The following CSMD1 variants were observed in gnomAD, a reference collection of about 807,000 sequenced individuals.
The protein encoded by CSMD1 is CUB and sushi domain-containing protein 1.
A neutral mutation model predicts 417.5 loss-of-function variants in CSMD1; 213 were observed. The observed-to-expected ratio is 0.51, with a 90% CI of 0.46 to 0.57. The LOEUF is 0.57. Among genes scored for constraint, CSMD1 ranks in the 20% least tolerant of loss-of-function variants. The probability of loss-of-function intolerance (pLI) is 0.00; values close to 1 mark genes in which losing one functional copy is unlikely to be tolerated. For synonymous variants in CSMD1, 2,862 were observed against 1,736.8 expected (o/e 1.65, Z -16.11); for missense variants, 6,923 against 4,529.7 (o/e 1.53, Z -15.17).
intron 10 of CSMD1, among the ~76,000 whole-genome samples, chr8:3,550,972 A>G (rs1175806613): frequency 6.6e-6 from 1 of 151,028 alleles, no homozygotes; most frequent in Non-Finnish European, 1.5e-5. Context: ...CTCAACTTGA[A>G]GTGAACAGTC....
chr8:3,758,282 T>C (rs193074363), intron 5 of CSMD1, among the ~76,000 whole-genome samples: 3 of 152,278 alleles, frequency 2.0e-5, no homozygotes, highest in South Asian at 2.1e-4. Context: ...ATTCCTTTTA[T>C]AGAGAAGCAA....
At chr8:4,688,818 G>A (rs967912748) in intron 1 of CSMD1, among the ~76,000 whole-genome samples, 14 of 152,142 alleles carry the variant, frequency 9.2e-5, no homozygotes, top group Non-Finnish European at 1.8e-4. Flanking sequence ...TGTAAACATC[G>A]CAAGTGGTCT....
At chr8:4,436,275 C>T (rs368324403) in intron 2 of CSMD1, among the ~76,000 whole-genome samples, 1 of 152,064 alleles carries the variant, frequency 6.6e-6, no homozygotes, top group Non-Finnish European at 1.5e-5. Context: ...TAATACCCAC[C>T]TTGTATTGTG....
intron 2 of CSMD1, among the ~76,000 whole-genome samples, chr8:4,622,262 G>A (rs1188432341): frequency 1.3e-5 from 2 of 152,044 alleles, no homozygotes; most frequent in African/African-American, 4.8e-5. Context: ...GGCAAAAGAG[G>A]ATACTTGCCT....
At chr8:3,585,806 C>G (rs116482614) in intron 9 of CSMD1, among the ~76,000 whole-genome samples, 3,399 of 152,210 alleles carry the variant, frequency 0.022, 140 homozygotes, top group African/African-American at 0.076. Flanking sequence ...TGCACAGAAA[C>G]CTTTCCGGCA....
intron 1 of CSMD1, among the ~76,000 whole-genome samples, chr8:4,671,519 C>A (rs963546171): frequency 6.6e-6 from 1 of 152,190 alleles, no homozygotes; most frequent in East Asian, 1.9e-4. Context: ...CAAAGTGTGA[C>A]TGGCCAGCTT....
intron 10 of CSMD1, among the ~76,000 whole-genome samples, chr8:3,524,122 CACAT>C (rs149360982): frequency 0.02 from 3,015 of 151,144 alleles, 69 homozygotes; most frequent in South Asian, 0.07. Flanking sequence ...GACATATGTG[CACAT>C]ACATACACAC....
At chr8:4,503,493 T>C (rs912720702) in intron 2 of CSMD1, among the ~76,000 whole-genome samples, 12 of 152,180 alleles carry the variant, frequency 7.9e-5, no homozygotes, top group Non-Finnish European at 7.3e-5. Flanking sequence ...ATTATTATAT[T>C]CTTAGAAAAT....
intron 2 of CSMD1, among the ~76,000 whole-genome samples, chr8:4,469,273 A>C (rs1011786677): frequency 6.6e-6 from 1 of 152,232 alleles, no homozygotes; most frequent in Non-Finnish European, 1.5e-5. Context: ...CAGCAAAGAC[A>C]CTATGATTGT....
At chr8:3,585,302 T>C (rs1800552917) in intron 9 of CSMD1, among the ~76,000 whole-genome samples, 1 of 152,178 alleles carries the variant, frequency 6.6e-6, no homozygotes, top group Admixed American at 6.5e-5. Context: ...AATGTATAAG[T>C]CCATTCACGT....
At chr8:3,974,527 G>A (rs111324502) in intron 5 of CSMD1, among the ~76,000 whole-genome samples, 3,288 of 152,072 alleles carry the variant, frequency 0.022, 117 homozygotes, top group African/African-American at 0.073. Context: ...TTTCATAGTA[G>A]TTGTTTAGTT....
intron 3 of CSMD1, among the ~76,000 whole-genome samples, chr8:4,329,043 C>T (rs778193976): frequency 6.6e-6 from 1 of 152,084 alleles, no homozygotes; most frequent in South Asian, 2.1e-4. Flanking sequence ...TAAGTCAAGC[C>T]CTGGAGAATA....
At chr8:4,051,856 C>CTTTG (rs1321945012) in intron 3 of CSMD1, among the ~76,000 whole-genome samples, 2 of 33,696 alleles carry the variant, frequency 5.9e-5, no homozygotes, top group African/African-American at 2.1e-4. Context: ...TTTCTTTTCT[C>CTTTG]TTTCTTTCTT....
intron 25 of CSMD1, among the ~76,000 whole-genome samples, chr8:3,299,394 G>T (rs1804214538): frequency 6.6e-6 from 1 of 152,184 alleles, no homozygotes; most frequent in Non-Finnish European, 1.5e-5. Flanking sequence ...GGAGGTTGCA[G>T]TGAGCCAAGA....
chr8:4,905,150 C>A (rs1805158908), intron 1 of CSMD1, among the ~76,000 whole-genome samples: 1 of 151,986 alleles, frequency 6.6e-6, no homozygotes, highest in Non-Finnish European at 1.5e-5. Flanking sequence ...GAATGAAATC[C>A]TGGGAGTACT....
At chr8:4,434,494 C>T (rs747839708) in intron 2 of CSMD1, among the ~76,000 whole-genome samples, 52 of 152,210 alleles carry the variant, frequency 3.4e-4, no homozygotes, top group Middle Eastern at 3.4e-3. Flanking sequence ...AAAGAAACAA[C>T]AAAAAGAAAA....
chr8:4,700,304 T>C (rs569074986), intron 1 of CSMD1, among the ~76,000 whole-genome samples: 1 of 151,986 alleles, frequency 6.6e-6, no homozygotes, highest in African/African-American at 2.4e-5. Flanking sequence ...CCAACGTGAA[T>C]GTTTTAAAGG....
At chr8:4,206,285 G>A (rs751374597) in intron 3 of CSMD1, among the ~76,000 whole-genome samples, 4 of 152,078 alleles carry the variant, frequency 2.6e-5, no homozygotes, top group Non-Finnish European at 5.9e-5. Context: ...ATGTTGGTGT[G>A]CTGCACCCAT....
chr8:3,487,908 T>C (rs1199952186), intron 11 of CSMD1, among the ~76,000 whole-genome samples: 1 of 152,138 alleles, frequency 6.6e-6, no homozygotes, highest in Non-Finnish European at 1.5e-5. Context: ...CATTTTGATA[T>C]TAATGGTTTT....
Sources: gnomAD v4.1 joint callset for allele counts (sites outside exome capture counted in the v4.1 genomes callset) on GRCh38, gnomAD v4.1.1 for gene constraint, MANE v1.5 for transcripts, NCBI Gene and HGNC (gene_info 2026-07-23, HGNC 2026-07-21) for gene names.